The following PCDHGB3 variants were observed in gnomAD, a reference collection of about 807,000 sequenced individuals.
PCDHGB3 encodes protocadherin gamma subfamily B, 3, also known as protocadherin gamma-B3.
Under a neutral mutation model 59.2 loss-of-function variants are expected in PCDHGB3, and 40 were observed. The observed-to-expected ratio is 0.68, with a 90% confidence interval of 0.52 to 0.88. PCDHGB3 has a LOEUF of 0.88. Among genes scored for constraint, PCDHGB3 ranks in the 40% least tolerant of loss-of-function variants. PCDHGB3 has a pLI of 0.00. For missense variants in PCDHGB3, 1,309 were observed against 1,187.9 expected (o/e 1.10, Z -1.50); for synonymous variants, 581 against 503.6 (o/e 1.15, Z -2.06).
At chr5:141,421,489 G>T (rs754141447) in intron 1 of PCDHGB3, 9 of 1,614,094 alleles carry the variant, frequency 5.6e-6, no homozygotes, top group Non-Finnish European at 7.6e-6. Context: ...CTTGATCACG[G>T]CAGGCAGGAT....
intron 1 of PCDHGB3, chr5:141,419,829 C>G (rs748734266): frequency 6.2e-7 from 1 of 1,614,072 alleles, no homozygotes; most frequent in Admixed American, 1.7e-5. Flanking sequence ...CTTTCAGCCA[C>G]TGCCACGCTG....
intron 1 of PCDHGB3, chr5:141,389,301 A>T: frequency 6.2e-7 from 1 of 1,614,008 alleles, no homozygotes; most frequent in Non-Finnish European, 8.5e-7. Context: ...TTCACAAGTC[A>T]GGGCTTCTGA....
rs777780708 is a variant in PCDHGB3, at chr5:141,489,934, G to C, written c.2416-4873G>C. ...AGGGACCACCCTTATCTCTGTCATC[G>C]TGCTGGACATCAATGATAATGCTCC... On this transcript the variant is annotated intron_variant, in intron 1 of 3. Transcript: ENST00000576222. The surrounding 1 kb of genome is among the most constrained non-coding windows in gnomAD (Gnocchi z 4.5). The C allele has an allele frequency of 1.4e-5, 23 of 1,614,176 alleles. No homozygotes were observed. Among genetic ancestry groups the C allele is most frequent in the Non-Finnish European group, 1.8e-5 (21 of 1,180,030 alleles).
chr5:141,422,370 T>G (rs2096643676), intron 1 of PCDHGB3: 1 of 1,566,604 alleles, frequency 6.4e-7, no homozygotes, highest in African/African-American at 1.4e-5. Flanking sequence ...GAGAAAATGG[T>G]CAAGTCTCCT....
chr5:141,478,381 C>A (rs931860600), intron 1 of PCDHGB3: 1 of 1,613,664 alleles, frequency 6.2e-7, no homozygotes, highest in Admixed American at 1.7e-5. Flanking sequence ...TGTCGCCGCA[C>A]CTTTACCATC....
intron 1 of PCDHGB3, chr5:141,390,025 G>GA (rs2092024046): frequency 1.2e-6 from 2 of 1,613,882 alleles, no homozygotes; most frequent in Non-Finnish European, 1.7e-6. Context: ...TTGCGCCTGC[G>GA]ACGCTCCTCC....
At chr5:141,464,558 A>G (rs1276921889) in intron 1 of PCDHGB3, among the ~76,000 whole-genome samples, 2 of 152,176 alleles carry the variant, frequency 1.3e-5, no homozygotes, top group Non-Finnish European at 2.9e-5. Context: ...CCCATCTTGC[A>G]TTCCTACAAA....
rs201022484 is a variant in PCDHGB3, at chr5:141,376,043, C to T, written c.2415+3234C>T. On this transcript the variant is annotated intron_variant, in intron 1 of 3. Coordinates refer to ENST00000576222, the MANE Select transcript of PCDHGB3 (RefSeq NM_018924.5). ...CGTCCAGGACCACGGCCAGCCCCCTCTCTCCGCCACTGTCACGCTCACCGT... is the reference window on the plus strand; with the variant it reads ...CGTCCAGGACCACGGCCAGCCCCCTTTCTCCGCCACTGTCACGCTCACCGT... 7.1e-4 allele frequency: 1,140 copies of T among 1,613,172 alleles called. 2 individuals carry two copies. Among genetic ancestry groups the T allele is most frequent in the Non-Finnish European group, 8.8e-4 (1,041 of 1,179,846 alleles).
rs751034521 is a variant in PCDHGB3, at chr5:141,405,112, C to A, written c.2415+32303C>A. ...TGGCCCTCAGGCTGAGGCACTGGCA[C>A]TCCTCGCATCTGCTGCGGGCTACCA... On this transcript the variant is annotated intron_variant, in intron 1 of 3. Coordinates refer to ENST00000576222, the MANE Select transcript of PCDHGB3 (RefSeq NM_018924.5). 4.5e-5 allele frequency: 73 copies of A among 1,613,868 alleles called. 1 individual carries two copies. The Middle Eastern group carries it at 5.9e-3, about 131-fold the overall frequency.
In PCDHGB3 at chr5:141,511,548, A is replaced by C; in HGVS notation, c.*375A>C. 3.3e-6 allele frequency: 1 copy of C among 306,952 alleles called. No homozygotes were observed. The highest frequency in any genetic ancestry group is 6.3e-6 in the Non-Finnish European group (1 of 158,248). 19.0% of individuals were successfully genotyped at this position (306,952 alleles called of 1,614,324 possible). ...CCTCCCTCCTCCCCACCCCACTCCA[A>C]CAGTTCCTCTTTCCCGAGTAAGGTG... is the stretch of plus-strand genomic sequence containing the variant. On this transcript the variant is annotated 3_prime_UTR_variant, in exon 4 of 4. Transcript: ENST00000576222.
intron 1 of PCDHGB3, among the ~76,000 whole-genome samples, chr5:141,449,240 G>A (rs535847654): frequency 6.6e-6 from 1 of 152,186 alleles, no homozygotes; most frequent in Non-Finnish European, 1.5e-5. Context: ...ATTTTCAAAG[G>A]AGTTGCAAGA....
intron 1 of PCDHGB3, among the ~76,000 whole-genome samples, chr5:141,373,358 T>C (rs1769516017): frequency 6.6e-6 from 1 of 152,204 alleles, no homozygotes; most frequent in Non-Finnish European, 1.5e-5. Flanking sequence ...TAATGGGCAC[T>C]GTAATGAATT....
In PCDHGB3 at chr5:141,431,317, C is replaced by G; in HGVS notation, c.2415+58508C>G. 2 of 1,614,082 alleles carry G rather than the reference C, an allele frequency of 1.2e-6. No homozygotes were observed. The highest frequency in any genetic ancestry group is 1.7e-6 in the Non-Finnish European group (2 of 1,180,038). On this transcript the variant is annotated intron_variant, in intron 1 of 3. Transcript: ENST00000576222. The surrounding 1 kb of genome is among the most constrained non-coding windows in gnomAD (Gnocchi z 4.8). ...TCTCCCTCATCGTGCAAAATGGAGC[C>G]GACGGTAGTAAGTACCCCGAATTGG...
At chr5:141,463,261 T>G (rs552225283) in intron 1 of PCDHGB3, among the ~76,000 whole-genome samples, 29 of 152,134 alleles carry the variant, frequency 1.9e-4, no homozygotes, top group African/African-American at 6.3e-4. Context: ...TAGTACTCTA[T>G]CCCATAAATT....
intron 1 of PCDHGB3, chr5:141,430,959 T>A: frequency 6.2e-7 from 1 of 1,612,026 alleles, no homozygotes; most frequent in Non-Finnish European, 8.5e-7. Flanking sequence ...GTCCGCATCA[T>A]CCCCAGAGGT....
At chr5:141,403,276 C>A in intron 1 of PCDHGB3, 2 of 1,613,844 alleles carry the variant, frequency 1.2e-6, no homozygotes, top group South Asian at 2.2e-5. Flanking sequence ...ACTTTAAAGT[C>A]CTGGTTGAAG....
chr5:141,398,691 T>C, intron 1 of PCDHGB3: 1 of 1,613,876 alleles, frequency 6.2e-7, no homozygotes, highest in Non-Finnish European at 8.5e-7. Flanking sequence ...AACAGGATGG[T>C]AGTAAATACC....
chr5:141,416,718 G>T lies in PCDHGB3; in HGVS notation c.2415+43909G>T, dbSNP rs1202204760. The T allele has an allele frequency of 5.9e-5, 9 of 152,308 alleles. No homozygotes were observed. In the East Asian group the frequency reaches 1.5e-3, roughly 26 times the overall value. The allele number at this position is 152,308 out of a possible 1,614,324, so 9.4% of individuals were successfully genotyped here. On this transcript the variant is annotated intron_variant, in intron 1 of 3. Transcript: ENST00000576222. ...AAAGGATCATTGGAGGTACTGATGAGTTCATTTAGTTCAATGAAAATAGTG... is the reference window on the plus strand; with the variant it reads ...AAAGGATCATTGGAGGTACTGATGATTTCATTTAGTTCAATGAAAATAGTG...
At chr5:141,394,300 T>A (rs753637808) in intron 1 of PCDHGB3, 1 of 1,613,938 alleles carries the variant, frequency 6.2e-7, no homozygotes, top group Admixed American at 1.7e-5. Context: ...GAGGACACGC[T>A]GCAGGGGGCG....
Sources: gnomAD v4.1 joint callset for allele counts (sites outside exome capture counted in the v4.1 genomes callset) on GRCh38, gnomAD v4.1.1 for gene constraint, Gnocchi (gnomAD v3.1) non-coding constraint, MANE v1.5 for transcripts, NCBI Gene and HGNC (gene_info 2026-07-23, HGNC 2026-07-21) for gene names.